Variants in SBF2 observed in about 807,000 individuals in gnomAD.
The protein encoded by SBF2 is myotubularin-related protein 13.
Under a neutral mutation model 225.2 loss-of-function variants are expected in SBF2, and 112 were observed. The ratio of observed to expected loss-of-function variants is 0.50; its 90% CI spans 0.43 to 0.58. The LOEUF is 0.58. Ranked by LOEUF, SBF2 falls within the 20% of genes least tolerant of loss-of-function variation. The pLI is 0.00. For synonymous variants in SBF2, 763 were observed against 773.3 expected (o/e 0.99, Z 0.22); for missense variants, 1,996 against 2,206.2 (o/e 0.90, Z 1.91).
chr11:10,226,090 C>G (rs560255004), intron 1 of SBF2, among the ~76,000 whole-genome samples: 138 of 152,254 alleles, frequency 9.1e-4, no homozygotes, highest in African/African-American at 3.2e-3. Context: ...ATATTTAACA[C>G]TGGCAATTTT....
intron 28 of SBF2, among the ~76,000 whole-genome samples, chr11:9,823,503 TA>T (rs536960639): frequency 0.03 from 3,608 of 122,186 alleles, 80 homozygotes; most frequent in African/African-American, 0.075. Flanking sequence ...GGGGTTAGGG[TA>T]AAAAAAAAAA....
chr11:10,140,858 T>C (rs1269136713), intron 2 of SBF2, among the ~76,000 whole-genome samples: 2 of 152,194 alleles, frequency 1.3e-5, no homozygotes. Context: ...TGGAAATTGG[T>C]TGATGTGGGA....
At chr11:9,906,973 C>T (rs1457412563) in intron 16 of SBF2, among the ~76,000 whole-genome samples, 1 of 152,080 alleles carries the variant, frequency 6.6e-6, no homozygotes, top group Non-Finnish European at 1.5e-5. Context: ...ACTCTGGAAT[C>T]TCTAAAAAAT....
At chr11:10,169,445 T>C (rs779052926) in intron 2 of SBF2, among the ~76,000 whole-genome samples, 5 of 152,228 alleles carry the variant, frequency 3.3e-5, no homozygotes, top group African/African-American at 4.8e-5. Flanking sequence ...AAAGTTTGTC[T>C]TTCTGTGCCT....
chr11:9,789,036 T>A, intron 35 of SBF2, 73 bp downstream of exon 35: 1 of 1,277,792 alleles, frequency 7.8e-7, no homozygotes, highest in South Asian at 1.2e-5. Context: ...CAGAAGTTAC[T>A]TAGCCTGGTT....
intron 17 of SBF2, among the ~76,000 whole-genome samples, chr11:9,886,546 G>A (rs111775885): frequency 6.6e-6 from 1 of 152,084 alleles, no homozygotes; most frequent in East Asian, 1.9e-4. Context: ...TAGTTCTTTG[G>A]TTTTAGTTTT....
Position 9,858,312 on chromosome 11 carries a change from T to C in SBF2, c.2014A>G (p.Thr672Ala), listed in dbSNP as rs770839510. The stretch of plus-strand genomic sequence containing the variant: ...TGTTCCTGCACTGCATTGTAAAAGG[T>C]TGTCTCCCAAAATTGCTGATTTGTC... ...IWTNQQFWETTFYNAVQEQVR... is the reference protein window; with the variant it reads ...IWTNQQFWETAFYNAVQEQVR... Residue 672 changes from threonine (T) to alanine (A), a missense_variant, in exon 18 of 40, where the codon ACC (threonine) becomes GCC (alanine). Thr to Ala is a moderately conservative substitution (Grantham distance 58). Transcript: ENST00000256190. 3.1e-5 allele frequency: 50 copies of C among 1,614,104 alleles called. No homozygotes were observed. Among genetic ancestry groups the C allele is most frequent in the African/African-American group, 2.5e-4 (19 of 74,936 alleles).
intron 2 of SBF2, among the ~76,000 whole-genome samples, chr11:10,053,328 C>T (rs984305912): frequency 2.0e-5 from 3 of 152,018 alleles, no homozygotes; most frequent in African/African-American, 4.8e-5. Flanking sequence ...AGAGCATGCA[C>T]AAGTTGAGCA....
chr11:9,992,957 T>C (rs1156514178), intron 11 of SBF2, 33 bp downstream of exon 11: 8 of 1,428,756 alleles, frequency 5.6e-6, no homozygotes, highest in Non-Finnish European at 7.8e-6. Flanking sequence ...GAATATATTT[T>C]TTGGACAGAT....
At chr11:9,895,082 C>T (rs1304564059) in intron 17 of SBF2, among the ~76,000 whole-genome samples, 2 of 152,144 alleles carry the variant, frequency 1.3e-5, no homozygotes, top group African/African-American at 4.8e-5. Flanking sequence ...ATCCCTAAAC[C>T]AAAATAACCC....
chr11:10,166,315 T>C (rs1001378827), intron 2 of SBF2, among the ~76,000 whole-genome samples: 14 of 152,218 alleles, frequency 9.2e-5, no homozygotes, highest in African/African-American at 2.7e-4. Context: ...TTCATCACTA[T>C]GCCAGTGAAA....
intron 16 of SBF2, chr11:9,959,537 C>T (rs1344881526): frequency 2.5e-6 from 2 of 790,204 alleles, no homozygotes; most frequent in Non-Finnish European, 4.7e-6. Flanking sequence ...TTGTGGAGGT[C>T]CTTGTGGAAG....
intron 3 of SBF2, among the ~76,000 whole-genome samples, chr11:10,039,942 A>G (rs909894239): frequency 1.3e-5 from 2 of 151,960 alleles, no homozygotes; most frequent in Non-Finnish European, 1.5e-5. Context: ...CAAAAAAAAA[A>G]CCTGAATCCA....
intron 2 of SBF2, among the ~76,000 whole-genome samples, chr11:10,123,160 T>C (rs1020824068): frequency 6.6e-6 from 1 of 152,054 alleles, no homozygotes; most frequent in African/African-American, 2.4e-5. Flanking sequence ...AGGGTTAGAG[T>C]GTCACAAAAC....
chr11:10,191,468 T>C (rs1957167024), intron 2 of SBF2, among the ~76,000 whole-genome samples: 2 of 152,208 alleles, frequency 1.3e-5, no homozygotes, highest in African/African-American at 4.8e-5. Context: ...ATTTATTTTG[T>C]ACTTGACAAC....
At chr11:10,249,761 G>A (rs1591304802) in intron 1 of SBF2, among the ~76,000 whole-genome samples, 2 of 119,990 alleles carry the variant, frequency 1.7e-5, no homozygotes, top group East Asian at 5.2e-4. Flanking sequence ...GGAATGCTAT[G>A]GGGGAGTCCA....
At position 10,077,985 on chromosome 11, in the gene SBF2, A is replaced by T. The variant is rs572121136; in HGVS notation, c.142-35004T>A. 3.4e-3 allele frequency among the ~76,000 whole-genome samples: 516 copies of T among 152,382 alleles called. 4 individuals are homozygous for T. The highest frequency in any genetic ancestry group is 0.012 in the African/African-American group (488 of 41,586). On this transcript the variant is annotated intron_variant, in intron 2 of 39. Transcript: ENST00000256190. ...ATCAACAAGTGGGCAAAGGATATGA[A>T]CAGACACTTCTCAAAAGAAGACATT...
chr11:10,020,760 G>A (rs1261858160), intron 6 of SBF2, among the ~76,000 whole-genome samples: 2 of 152,074 alleles, frequency 1.3e-5, no homozygotes, highest in Non-Finnish European at 2.9e-5. Context: ...AGACAAAAGT[G>A]AGACTACCAA....
At chr11:9,984,409 A>T (rs1947102990) in intron 13 of SBF2, among the ~76,000 whole-genome samples, 1 of 152,116 alleles carries the variant, frequency 6.6e-6, no homozygotes, top group African/African-American at 2.4e-5. Flanking sequence ...ATATGAACAA[A>T]GCCTCCAAGA....
Sources: allele counts gnomAD v4.1 joint callset (sites outside exome capture counted in the v4.1 genomes callset), GRCh38; gene constraint gnomAD v4.1.1; transcripts MANE v1.5; gene names NCBI Gene and HGNC (gene_info 2026-07-23, HGNC 2026-07-21).